C2CD3: variants seen among roughly 807,000 people sequenced by gnomAD.
C2CD3 encodes the protein C2 domain containing 3 centriole elongation regulator.
Under a neutral mutation model 234.0 loss-of-function variants are expected in C2CD3, and 148 were observed. The observed-to-expected ratio is 0.63, with a 90% CI of 0.55 to 0.72. The LOEUF (loss-of-function observed/expected upper bound fraction) is 0.72, where lower values mean the gene tolerates loss of function less well. C2CD3 is among the 30% of genes least tolerant of loss of function. The pLI is 0.00. For missense variants in C2CD3, 2,577 were observed against 2,811.5 expected (o/e 0.92, Z 1.89); for synonymous variants, 1,000 against 1,035.4 (o/e 0.97, Z 0.66).
rs928817424 is a variant in C2CD3, at chr11:74,041,154, T to A, written c.5660+900A>T. Reference sequence around the variant, plus strand: ...CTTTCATTTTTCCTTAAATTTTACATACTCTCCTCCTTTCCTTCCTCCAAC... The same window carrying A: ...CTTTCATTTTTCCTTAAATTTTACAAACTCTCCTCCTTTCCTTCCTCCAAC... On this transcript the variant is annotated intron_variant, in intron 29 of 32. Transcript: ENST00000334126. Among the ~76,000 whole-genome samples the A allele has an allele frequency of 8.5e-5, 13 of 152,160 alleles. No individual in the cohort carries two copies. In the East Asian group the frequency reaches 2.5e-3, roughly 29 times the overall value.
At chr11:74,108,629 G>GAACA (rs1469004771) in intron 12 of C2CD3, among the ~76,000 whole-genome samples, 1 of 152,102 alleles carries the variant, frequency 6.6e-6, no homozygotes, top group Non-Finnish European at 1.5e-5. Context: ...CTTTAGAAGG[G>GAACA]AACAGCACAA....
At position 74,170,811 on chromosome 11, in the gene C2CD3, T is replaced by C. The variant is rs1477058309; in HGVS notation, c.-19A>G. The C allele has an allele frequency of 1.9e-6, 3 of 1,614,100 alleles. No individual in the cohort carries two copies. In the African/African-American group the frequency reaches 4.0e-5, roughly 22 times the overall value. ...GTTTCATGATGAGCCCGAGCTCTTC[T>C]TCACCAGCTCAACTCCGTCTCCAGC... On this transcript the variant is annotated 5_prime_UTR_variant, in exon 1 of 33. Transcript: ENST00000334126.
At chr11:74,134,952 T>G (rs1957812082) in intron 5 of C2CD3, among the ~76,000 whole-genome samples, 2 of 152,126 alleles carry the variant, frequency 1.3e-5, no homozygotes, top group Non-Finnish European at 2.9e-5. Context: ...CTTGAACTAT[T>G]GGCCTCAAGC....
chr11:74,078,174 G>A lies in C2CD3; in HGVS notation c.4544C>T (p.Ser1515Leu). ...RPHQTDSWIG[S>L]AYVDLARLGE... ...AAGTCTGGCCAGGTCCACATAGGCTGAGCCAATCCAGCTGTCTGTCTGATG... is the reference window on the plus strand; with the variant it reads ...AAGTCTGGCCAGGTCCACATAGGCTAAGCCAATCCAGCTGTCTGTCTGATG... Residue 1515 changes from serine (S) to leucine (L), a missense_variant, in exon 23 of 33, where the codon TCA becomes TTA. Transcript: ENST00000334126. The A allele has an allele frequency of 1.2e-6, 2 of 1,613,956 alleles. No individual in the cohort carries two copies. The highest frequency in any genetic ancestry group is 4.5e-5 in the East Asian group (2 of 44,840).
intron 9 of C2CD3, among the ~76,000 whole-genome samples, chr11:74,116,975 C>CGTATATATACACATATACGTGTATAT (rs1253073562): frequency 1.7e-4 from 12 of 70,792 alleles, no homozygotes; most frequent in African/African-American, 3.7e-4. Flanking sequence ...CACATATACA[C>CGTATATATACACATATACGTGTATAT]GTATATATAC....
chr11:74,083,075 G>T (rs1477677459), intron 22 of C2CD3, among the ~76,000 whole-genome samples: 1 of 151,886 alleles, frequency 6.6e-6, no homozygotes, highest in Non-Finnish European at 1.5e-5. Context: ...AAACAGCATG[G>T]TACTGGTACC....
At chr11:74,034,397 G>A in intron 30 of C2CD3, 119 bp from the exon 31 acceptor site, 1 of 1,495,062 alleles carries the variant, frequency 6.7e-7, no homozygotes, top group Non-Finnish European at 8.9e-7. Flanking sequence ...AAACCATAAA[G>A]AAAATTAGTC....
chr11:74,047,143 C>G (rs1291264735), intron 28 of C2CD3, among the ~76,000 whole-genome samples: 1 of 152,178 alleles, frequency 6.6e-6, no homozygotes, highest in Non-Finnish European at 1.5e-5. Context: ...GCCCACTTTA[C>G]CACCCTGTCC....
At chr11:74,053,316 CTAAG>C (rs1433854393) in intron 26 of C2CD3, among the ~76,000 whole-genome samples, 2 of 152,210 alleles carry the variant, frequency 1.3e-5, no homozygotes, top group East Asian at 3.8e-4. Context: ...ACGGTATTTA[CTAAG>C]TGTCAGGCCC....
chr11:74,068,752 A>G lies in C2CD3; in HGVS notation c.4951+5501T>C, dbSNP rs115958127. Among the ~76,000 whole-genome samples, 1,180 of 152,292 alleles carry G rather than the reference A, an allele frequency of 7.7e-3. 8 individuals carry two copies. The highest frequency in any genetic ancestry group is 0.026 in the African/African-American group (1,086 of 41,566). On this transcript the variant is annotated intron_variant, in intron 24 of 32. Coordinates refer to ENST00000334126, the MANE Select transcript of C2CD3 (RefSeq NM_001286577.2). The stretch of plus-strand genomic sequence containing the variant: ...AAATTCTAATTCTAGATATATATCA[A>G]CCTTGCTCACATCTCTCATGGCACT...
chr11:74,030,835 C>T (rs990540181), intron 31 of C2CD3, among the ~76,000 whole-genome samples: 1 of 152,204 alleles, frequency 6.6e-6, no homozygotes, highest in African/African-American at 2.4e-5. Flanking sequence ...GTGCTGTTTC[C>T]TATCCAGTAA....
chr11:74,081,837 C>A (rs1200779999), intron 22 of C2CD3, among the ~76,000 whole-genome samples: 1 of 152,120 alleles, frequency 6.6e-6, no homozygotes, highest in East Asian at 1.9e-4. Flanking sequence ...GATTTTGTAT[C>A]CTGAGACTTT....
chr11:74,065,551 T>C (rs1277967391), intron 24 of C2CD3, among the ~76,000 whole-genome samples: 1 of 152,170 alleles, frequency 6.6e-6, no homozygotes, highest in African/African-American at 2.4e-5. Flanking sequence ...GACCCAGCCA[T>C]CCTATTACTG....
At chr11:74,045,484 T>G (rs1953317414) in intron 28 of C2CD3, among the ~76,000 whole-genome samples, 3 of 152,200 alleles carry the variant, frequency 2.0e-5, no homozygotes. Flanking sequence ...ACGTGGAGAA[T>G]ATTGCCATCG....
chr11:74,116,732 C>T (rs1351436253), intron 9 of C2CD3, among the ~76,000 whole-genome samples: 2 of 150,312 alleles, frequency 1.3e-5, no homozygotes, highest in African/African-American at 4.9e-5. Flanking sequence ...GCCTAAATGC[C>T]CATCAATCAA....
chr11:74,159,037 A>T (rs573460071), intron 3 of C2CD3, among the ~76,000 whole-genome samples: 28 of 152,198 alleles, frequency 1.8e-4, no homozygotes, highest in Non-Finnish European at 3.4e-4. Context: ...CATTTCCATC[A>T]ATGACAGACC....
intron 30 of C2CD3, 29 bp downstream of exon 30, chr11:74,037,449 A>C: frequency 1.3e-6 from 2 of 1,559,730 alleles, no homozygotes; most frequent in South Asian, 1.1e-5. Flanking sequence ...TGACCATAAC[A>C]TCTCAACAAG....
chr11:74,112,408 G>A (rs1224579524), intron 11 of C2CD3, among the ~76,000 whole-genome samples: 1 of 151,078 alleles, frequency 6.6e-6, no homozygotes, highest in East Asian at 1.9e-4. Flanking sequence ...AGAAAAAAAA[G>A]ACAACACCAA....
chr11:74,047,799 G>T (rs904385230), intron 28 of C2CD3, among the ~76,000 whole-genome samples: 3 of 152,224 alleles, frequency 2.0e-5, no homozygotes, highest in Non-Finnish European at 2.9e-5. Flanking sequence ...ACATGCTCTA[G>T]CCCTGAGAGC....
Sources: gnomAD v4.1 joint callset for allele counts (sites outside exome capture counted in the v4.1 genomes callset) on GRCh38, gnomAD v4.1.1 for gene constraint, MANE v1.5 for transcripts, NCBI Gene and HGNC (gene_info 2026-07-23, HGNC 2026-07-21) for gene names.